LRRC4C: variants seen among roughly 807,000 people sequenced by gnomAD.
The protein encoded by LRRC4C is leucine-rich repeat-containing protein 4C.
LRRC4C carries 5 observed loss-of-function variants against 33.6 expected under a neutral mutation model. The ratio of observed to expected loss-of-function variants is 0.15; its 90% confidence interval spans 0.08 to 0.31. The LOEUF is 0.31. LRRC4C is among the 10% of genes least tolerant of loss of function. The probability of loss-of-function intolerance (pLI) is 1.00; values close to 1 mark genes in which losing one functional copy is unlikely to be tolerated. For missense variants in LRRC4C, 560 were observed against 796.7 expected (o/e 0.70, Z 3.58); for synonymous variants, 329 against 302.0 (o/e 1.09, Z -0.93).
At chr11:41,064,337 T>C (rs1381345672) in intron 1 of LRRC4C, among the ~76,000 whole-genome samples, 1 of 152,234 alleles carries the variant, frequency 6.6e-6, no homozygotes, top group Non-Finnish European at 1.5e-5. Context: ...TGCATTCCTG[T>C]ATATCATCAG....
intron 3 of LRRC4C, among the ~76,000 whole-genome samples, chr11:40,388,352 A>C (rs2137423123): frequency 6.6e-6 from 1 of 152,270 alleles, no homozygotes; most frequent in South Asian, 2.1e-4. Context: ...GATACTCATA[A>C]GTACACCATA....
intron 1 of LRRC4C, among the ~76,000 whole-genome samples, chr11:41,201,920 A>AC (rs1946413393): frequency 4.7e-5 from 1 of 21,134 alleles, no homozygotes; most frequent in African/African-American, 1.3e-4. Flanking sequence ...ACACACACAC[A>AC]AACACACACA....
At chr11:40,648,598 A>C (rs6485213) in intron 2 of LRRC4C, among the ~76,000 whole-genome samples, 57,246 of 152,080 alleles carry the variant, frequency 0.38, 11,852 homozygotes, top group East Asian at 0.6. Flanking sequence ...TTACTTCATG[A>C]GGTAAGAAGG....
chr11:40,430,475 G>C (rs1792732770), intron 3 of LRRC4C, among the ~76,000 whole-genome samples: 1 of 152,014 alleles, frequency 6.6e-6, no homozygotes, highest in Admixed American at 6.6e-5. Context: ...GCTACAATAG[G>C]CACAGTGAGT....
intron 1 of LRRC4C, among the ~76,000 whole-genome samples, chr11:41,028,570 G>GACAC (rs57827895): frequency 2.5e-4 from 37 of 147,432 alleles, no homozygotes; most frequent in African/African-American, 6.5e-4. Flanking sequence ...TAGTATTCAC[G>GACAC]ACACACACAC....
intron 2 of LRRC4C, among the ~76,000 whole-genome samples, chr11:40,666,307 G>A (rs1452542676): frequency 2.0e-5 from 3 of 152,012 alleles, no homozygotes; most frequent in African/African-American, 4.8e-5. Context: ...CATTTATATA[G>A]AGGGAAGGTA....
Position 40,356,726 on chromosome 11 carries a change from G to C in LRRC4C, c.-269-37005C>G, listed in dbSNP as rs78068136. Reference sequence around the variant, plus strand: ...GTAACTTGGTACTGGGGATTTTTCTGTTGCCTTGGAGTTAAATTATTTATT... The same window carrying C: ...GTAACTTGGTACTGGGGATTTTTCTCTTGCCTTGGAGTTAAATTATTTATT... On this transcript the variant is annotated intron_variant, in intron 3 of 6. Transcript: ENST00000528697. Among the ~76,000 whole-genome samples the C allele has an allele frequency of 7.1e-3, 1,076 of 152,244 alleles. 14 individuals carry two copies. Among genetic ancestry groups the C allele is most frequent in the African/African-American group, 0.024 (1,016 of 41,532 alleles).
At chr11:40,635,488 A>T (rs1396637372) in intron 3 of LRRC4C, among the ~76,000 whole-genome samples, 1 of 152,170 alleles carries the variant, frequency 6.6e-6, no homozygotes, top group African/African-American at 2.4e-5. Flanking sequence ...AGACACATAG[A>T]CAGTAGTATG....
At chr11:41,074,026 A>G (rs1028730123) in intron 1 of LRRC4C, among the ~76,000 whole-genome samples, 1 of 152,202 alleles carries the variant, frequency 6.6e-6, no homozygotes, top group African/African-American at 2.4e-5. Flanking sequence ...AAGAAATGCT[A>G]TTTCAGATAC....
chr11:40,863,400 A>T (rs1954199633), intron 2 of LRRC4C, among the ~76,000 whole-genome samples: 1 of 152,198 alleles, frequency 6.6e-6, no homozygotes. Flanking sequence ...TAGAACAGAC[A>T]TATGTTTATT....
At chr11:40,913,763 G>A (rs878964767) in intron 2 of LRRC4C, among the ~76,000 whole-genome samples, 1 of 152,098 alleles carries the variant, frequency 6.6e-6, no homozygotes, top group African/African-American at 2.4e-5. Context: ...CCAGGAGCTG[G>A]TTTTTTGAAA....
chr11:40,425,338 AG>A (rs1417460271), intron 3 of LRRC4C, among the ~76,000 whole-genome samples: 1 of 152,196 alleles, frequency 6.6e-6, no homozygotes, highest in Non-Finnish European at 1.5e-5. Flanking sequence ...GTTAGCCAGC[AG>A]GGGGATATGC....
chr11:41,058,200 T>C (rs1858776019), intron 1 of LRRC4C, among the ~76,000 whole-genome samples: 1 of 122,234 alleles, frequency 8.2e-6, no homozygotes, highest in Non-Finnish European at 1.9e-5. Context: ...CAGCCAGGGC[T>C]GTGACTCCCC....
chr11:40,421,892 T>C (rs1241947504), intron 3 of LRRC4C, among the ~76,000 whole-genome samples: 1 of 152,200 alleles, frequency 6.6e-6, no homozygotes, highest in African/African-American at 2.4e-5. Context: ...TGTCACACCA[T>C]TAAATGAAAA....
Position 41,171,163 on chromosome 11 carries a change from A to C in LRRC4C, c.-495-237440T>G, listed in dbSNP as rs1944960428. Among the ~76,000 whole-genome samples, 4 of 152,106 alleles carry C rather than the reference A, an allele frequency of 2.6e-5. No homozygotes were observed. The South Asian group carries it at 8.3e-4, about 32-fold the overall frequency. ...ACTTTTACACTGTTGGTGGGACTGTAAACTAGTTCAACCATTGTGGAAGTC... is the reference window on the plus strand; with the variant it reads ...ACTTTTACACTGTTGGTGGGACTGTCAACTAGTTCAACCATTGTGGAAGTC... On this transcript the variant is annotated intron_variant, in intron 1 of 6. Coordinates refer to ENST00000528697, the MANE Select transcript of LRRC4C (RefSeq NM_001258419.2).
chr11:41,331,326 CT>C (rs1951285968), intron 1 of LRRC4C, among the ~76,000 whole-genome samples: 1 of 152,034 alleles, frequency 6.6e-6, no homozygotes, highest in African/African-American at 2.4e-5. Flanking sequence ...CACTTATATC[CT>C]TCCTAAAATT....
At chr11:41,449,107 A>ACCCTACTGGTAGCTAGC (rs1399108886) in intron 1 of LRRC4C, among the ~76,000 whole-genome samples, 4 of 152,186 alleles carry the variant, frequency 2.6e-5, no homozygotes, top group Non-Finnish European at 2.9e-5. Flanking sequence ...CCAATATTGC[A>ACCCTACTGGTAGCTAGC]AGGCTGGAGC....
intron 1 of LRRC4C, among the ~76,000 whole-genome samples, chr11:41,395,684 G>C (rs759150722): frequency 6.6e-6 from 1 of 151,876 alleles, no homozygotes; most frequent in Non-Finnish European, 1.5e-5. Context: ...GTACAAAGTT[G>C]AAACAAGAAT....
chr11:41,315,746 G>T (rs1470121525), intron 1 of LRRC4C, among the ~76,000 whole-genome samples: 3 of 152,168 alleles, frequency 2.0e-5, no homozygotes, highest in African/African-American at 4.8e-5. Context: ...GAATAAGTTT[G>T]TTAATCAGAA....
Sources: allele counts gnomAD v4.1 joint callset (sites outside exome capture counted in the v4.1 genomes callset), GRCh38; gene constraint gnomAD v4.1.1; transcripts MANE v1.5; gene names NCBI Gene and HGNC (gene_info 2026-07-23, HGNC 2026-07-21).